The following HOXD9 variants were observed in gnomAD, a reference collection of about 807,000 sequenced individuals.
HOXD9 encodes homeobox protein Hox-D9.
In HOXD9, 21 loss-of-function variants were observed where a neutral mutation model predicts 24.6. The observed-to-expected ratio is 0.85, with a 90% CI of 0.61 to 1.23. The LOEUF (loss-of-function observed/expected upper bound fraction) is 1.23. Among genes scored for constraint, HOXD9 ranks in the 50% most tolerant of loss-of-function variants. HOXD9 has a pLI of 0.00. For synonymous variants in HOXD9, 240 were observed against 226.4 expected, an observed-to-expected ratio of 1.06 and a Z score of -0.54; for missense variants, 503 against 503.6, an observed-to-expected ratio of 1.00 and a Z score of 0.01.
Position 176,124,395 on chromosome 2 carries a change from G to C in HOXD9, c.*220G>C, listed in dbSNP as rs1244363398. The C allele has an allele frequency of 1.0e-4, 53 of 523,992 alleles. No homozygotes were observed. The highest frequency in any genetic ancestry group is 2.3e-4 in the Admixed American group (6 of 25,640). 32.5% of individuals were successfully genotyped at this position (523,992 alleles called of 1,614,324 possible). A position where few individuals can be genotyped will look rare whatever the true frequency, so the allele number is the denominator to read the frequency against. On this transcript the variant is annotated 3_prime_UTR_variant, in exon 2 of 2. Coordinates refer to ENST00000249499, the MANE Select transcript of HOXD9 (RefSeq NM_014213.4). ...CGTTTACGTGTTGGAAAAACCAAGT[G>C]GCTTTGGGGTTTCGCCCTATCCCAC...
In HOXD9 at chr2:176,123,288, G is replaced by GCCTCCACCA; in HGVS notation, c.526_534dup (p.Thr176_Ser178dup). 6.5e-7 allele frequency: 1 copy of GCCTCCACCA among 1,530,656 alleles called. No individual in the cohort carries two copies. The highest frequency in any genetic ancestry group is 8.8e-7 in the Non-Finnish European group (1 of 1,136,184). The allele number at this position is 1,530,656 out of a possible 1,614,324, so 94.8% of individuals were successfully genotyped here. A position where few individuals can be genotyped will look rare whatever the true frequency, so the allele number is the denominator to read the frequency against. On this transcript the variant is annotated inframe_insertion, in exon 1 of 2. Transcript: ENST00000249499. The surrounding 1 kb of genome is among the most constrained non-coding windows in gnomAD (Gnocchi z 4.2). ...AGCGGCCCCGGCCCCCGCCACGGCC[G>GCCTCCACCA]CCTCCACCACCTCCTCCTCCTCCAC...
Position 176,124,243 on chromosome 2 carries a change from G to A in HOXD9, c.*68G>A, listed in dbSNP as rs1434833279. ...GTTGTTGTTGCTGTTTTCCTTTGTG[G>A]GTGTTTGGTGCTTGATTTCCAGAAA... is the stretch of plus-strand genomic sequence containing the variant. On this transcript the variant is annotated 3_prime_UTR_variant, in exon 2 of 2. Coordinates refer to ENST00000249499, the MANE Select transcript of HOXD9 (RefSeq NM_014213.4). 1 of 1,505,574 alleles carries A rather than the reference G, an allele frequency of 6.6e-7. No homozygotes were observed. The highest frequency in any genetic ancestry group is 8.9e-7 in the Non-Finnish European group (1 of 1,128,538). The allele number at this position is 1,505,574 out of a possible 1,614,324, so 93.3% of individuals were successfully genotyped here. A position where few individuals can be genotyped will look rare whatever the true frequency, so the allele number is the denominator to read the frequency against.
In HOXD9 at chr2:176,123,252, C is replaced by A. The variant is rs1253553632; in HGVS notation, c.484C>A (p.Pro162Thr). 1 of 1,519,436 alleles carries A rather than the reference C, an allele frequency of 6.6e-7. No individual in the cohort carries two copies. The highest frequency in any genetic ancestry group is 8.8e-7 in the Non-Finnish European group (1 of 1,130,338). The allele number at this position is 1,519,436 out of a possible 1,614,324, so 94.1% of individuals were successfully genotyped here. A position where few individuals can be genotyped will look rare whatever the true frequency, so the allele number is the denominator to read the frequency against. The part of the protein sequence containing the change: ...PANGRHYGIK[P>T]ETRAAPAPAT... ...CAACGGGCGCCACTACGGGATTAAG[C>A]CTGAAACCCGAGCGGCCCCGGCCCC... Residue 162 changes from proline (P) to threonine (T), a missense_variant, in exon 1 of 2, where the codon CCT becomes ACT. Transcript: ENST00000249499. This position sits in a 1 kb window ranked among gnomAD's most constrained non-coding sequence, Gnocchi z 4.2.
Position 176,122,906 on chromosome 2 carries a change from G to A in HOXD9, c.138G>A (p.Gln46=). 6.3e-7 allele frequency: 1 copy of A among 1,588,478 alleles called. No individual in the cohort carries two copies. The highest frequency in any genetic ancestry group is 8.6e-7 in the Non-Finnish European group (1 of 1,169,108). The change falls in exon 1 of 2, where the codon CAG becomes CAA. Residue 46 remains glutamine (Q), a synonymous_variant. Transcript: ENST00000249499. ...TCGGGCCGCCGGGGCCAGGCGCGCA[G>A]GGCCGGCCTGCAGGTGTGGCTGATG... ...ARFGPPGPGA[Q]GRPAGVADGP...
At position 176,124,899 on chromosome 2, in the gene HOXD9, G is replaced by T. The variant is rs1173333023; in HGVS notation, c.*724G>T. ...ATGTTACTGCTTCCTACTAATAAAT[G>T]CTGACCTGATCAAATGGAGCCCAGA... On this transcript the variant is annotated 3_prime_UTR_variant, in exon 2 of 2. Transcript: ENST00000249499. 2 of 152,252 alleles carry T rather than the reference G, an allele frequency of 1.3e-5. No individual in the cohort carries two copies. The highest frequency in any genetic ancestry group is 2.4e-5 in the African/African-American group (1 of 41,444). The allele number at this position is 152,252 out of a possible 1,614,324, so 9.4% of individuals were successfully genotyped here. A position where few individuals can be genotyped will look rare whatever the true frequency, so the allele number is the denominator to read the frequency against.
Position 176,124,192 on chromosome 2 carries a change from C to A in HOXD9, c.*17C>A, listed in dbSNP as rs757052465. 9 of 1,584,630 alleles carry A rather than the reference C, an allele frequency of 5.7e-6. No homozygotes were observed. The highest frequency in any genetic ancestry group is 7.8e-6 in the Non-Finnish European group (9 of 1,160,594). On this transcript the variant is annotated 3_prime_UTR_variant, in exon 2 of 2. Coordinates refer to ENST00000249499, the MANE Select transcript of HOXD9 (RefSeq NM_014213.4). ...GGAGACTGACCCGGCGCGGTGCTGG[C>A]GGGAGCGCTCAAGGGCAGCGGATTT...
chr2:176,123,352 T>C lies in HOXD9; in HGVS notation c.584T>C (p.Val195Ala), dbSNP rs200376660. 1.3e-6 allele frequency: 2 copies of C among 1,550,588 alleles called. No individual in the cohort carries two copies. The highest frequency in any genetic ancestry group is 2.4e-5 in the South Asian group (2 of 83,972). Residue 195 changes from valine to alanine, a missense_variant, in exon 1 of 2, where the codon GTG (valine) becomes GCG (alanine). Coordinates refer to ENST00000249499, the MANE Select transcript of HOXD9 (RefSeq NM_014213.4). This position sits in a 1 kb window ranked among gnomAD's most constrained non-coding sequence, Gnocchi z 4.2. ...SSSSKRTECS[V>A]ARESQGSSGP... The stretch of plus-strand genomic sequence containing the variant: ...TCCTCCAAACGGACTGAGTGCTCCG[T>C]GGCCCGGGAGTCCCAGGGGAGCAGC...
chr2:176,124,318 G>C lies in HOXD9; in HGVS notation c.*143G>C. The C allele has an allele frequency of 7.8e-7, 1 of 1,286,146 alleles. No individual in the cohort carries two copies. Among genetic ancestry groups the C allele is most frequent in the Non-Finnish European group, 1.0e-6 (1 of 963,986 alleles). The allele number at this position is 1,286,146 out of a possible 1,614,324, so 79.7% of individuals were successfully genotyped here. A position where few individuals can be genotyped will look rare whatever the true frequency, so the allele number is the denominator to read the frequency against. ...TTCTTTTTTTTTTTCTTTTTAGATA[G>C]AAGTGACTGTGTGGTTGGTCTCTGA... On this transcript the variant is annotated 3_prime_UTR_variant, in exon 2 of 2. Coordinates refer to ENST00000249499, the MANE Select transcript of HOXD9 (RefSeq NM_014213.4).
In HOXD9 at chr2:176,122,892, G is replaced by C. The variant is rs371998550; in HGVS notation, c.124G>C (p.Gly42Arg). The stretch of plus-strand genomic sequence containing the variant: ...GTTCGCGGCGCGCTTCGGGCCGCCG[G>C]GGCCAGGCGCGCAGGGCCGGCCTGC... ...EVFAARFGPPGPGAQGRPAGV... is the reference protein window; with the variant it reads ...EVFAARFGPPRPGAQGRPAGV... Residue 42 changes from glycine to arginine, a missense_variant, in exon 1 of 2, where the codon GGG (glycine) becomes CGG (arginine). Coordinates refer to ENST00000249499, the MANE Select transcript of HOXD9 (RefSeq NM_014213.4). 5.3e-5 allele frequency: 85 copies of C among 1,592,226 alleles called. No individual in the cohort carries two copies. The highest frequency in any genetic ancestry group is 7.0e-5 in the Non-Finnish European group (82 of 1,170,886).
At position 176,123,109 on chromosome 2, in the gene HOXD9, G is replaced by A; in HGVS notation, c.341G>A (p.Arg114His). The A allele has an allele frequency of 6.6e-7, 1 of 1,510,402 alleles. No homozygotes were observed. The highest frequency in any genetic ancestry group is 8.8e-7 in the Non-Finnish European group (1 of 1,134,076). The allele number at this position is 1,510,402 out of a possible 1,614,324, so 93.6% of individuals were successfully genotyped here. A position where few individuals can be genotyped will look rare whatever the true frequency, so the allele number is the denominator to read the frequency against. Reference protein sequence around the residue: ...PLAASASEPGRYVRSWMEPLP... With the variant: ...PLAASASEPGHYVRSWMEPLP... ...GCCGCCTCTGCCTCCGAGCCCGGCC[G>A]CTACGTGCGCTCCTGGATGGAGCCG... The change falls in exon 1 of 2, where the codon CGC becomes CAC. Residue 114 changes from arginine (R) to histidine (H), a missense_variant. Coordinates refer to ENST00000249499, the MANE Select transcript of HOXD9 (RefSeq NM_014213.4). This position sits in a 1 kb window ranked among gnomAD's most constrained non-coding sequence, Gnocchi z 4.2.
In HOXD9 at chr2:176,122,903, G is replaced by A. The variant is rs963709815; in HGVS notation, c.135G>A (p.Ala45=). Residue 45 remains alanine (A), a synonymous_variant, in exon 1 of 2, where the codon GCG becomes GCA. Transcript: ENST00000249499. ...GCTTCGGGCCGCCGGGGCCAGGCGC[G>A]CAGGGCCGGCCTGCAGGTGTGGCTG... is the stretch of plus-strand genomic sequence containing the variant. ...AARFGPPGPG[A]QGRPAGVADG... 4 of 1,587,992 alleles carry A rather than the reference G, an allele frequency of 2.5e-6. No individual in the cohort carries two copies. The highest frequency in any genetic ancestry group is 1.4e-5 in the African/African-American group (1 of 72,360).
rs772843535 is a variant in HOXD9 at position 176,123,276 on chromosome 2, C to T, written c.508C>T (p.Pro170Ser). 1 of 1,530,200 alleles carries T rather than the reference C, an allele frequency of 6.5e-7. No homozygotes were observed. Among genetic ancestry groups the T allele is most frequent in the South Asian group, 1.2e-5 (1 of 82,252 alleles). The allele number at this position is 1,530,200 out of a possible 1,614,324, so 94.8% of individuals were successfully genotyped here. ...IKPETRAAPA[P>S]ATAASTTSSS... The stretch of plus-strand genomic sequence containing the variant: ...GCCTGAAACCCGAGCGGCCCCGGCC[C>T]CCGCCACGGCCGCCTCCACCACCTC... The change falls in exon 1 of 2, where the codon CCC becomes TCC. Residue 170 changes from proline (P) to serine (S), a missense_variant. Coordinates refer to ENST00000249499, the MANE Select transcript of HOXD9 (RefSeq NM_014213.4). This position sits in a 1 kb window ranked among gnomAD's most constrained non-coding sequence, Gnocchi z 4.2.
chr2:176,123,974 GA>G lies in HOXD9; in HGVS notation c.863del (p.Lys288SerfsTer37). On this transcript the variant is annotated frameshift_variant, in exon 2 of 2. Transcript: ENST00000249499. LOFTEE classifies it high-confidence loss of function. The surrounding 1 kb of genome is among the most constrained non-coding windows in gnomAD (Gnocchi z 4.2). ...ACTGGATCCACGCTCGCTCCACCCG[GA>G]AAAAGCGCTGTCCCTACACCAAATA... ...ANWIHARSTR[K>X]KRCPYTKYQT... The G allele has an allele frequency of 6.2e-7, 1 of 1,613,232 alleles. No homozygotes were observed. Among genetic ancestry groups the G allele is most frequent in the Non-Finnish European group, 8.5e-7 (1 of 1,179,338 alleles).
chr2:176,123,713 C>T lies in HOXD9; in HGVS notation c.817+128C>T. ...TACCCAAGCCTAGGCGAACAACATG[C>T]ATCCATAAAAAGAGCTTCCCATAAC... On this transcript the variant is annotated intron_variant, in intron 1 of 1. Transcript: ENST00000249499. This position sits in a 1 kb window ranked among gnomAD's most constrained non-coding sequence, Gnocchi z 4.2. 1 of 1,282,720 alleles carries T rather than the reference C, an allele frequency of 7.8e-7. No homozygotes were observed. The highest frequency in any genetic ancestry group is 1.8e-5 in the South Asian group (1 of 55,606). 79.5% of individuals were successfully genotyped at this position (1,282,720 alleles called of 1,614,324 possible).
rs1689920435 is a variant in HOXD9, at chr2:176,123,536, G to A, written c.768G>A (p.Lys256=). The A allele has an allele frequency of 1.3e-6, 2 of 1,487,096 alleles. No homozygotes were observed. The highest frequency in any genetic ancestry group is 2.3e-5 in the Admixed American group (1 of 43,590). 92.1% of individuals were successfully genotyped at this position (1,487,096 alleles called of 1,614,324 possible). ...SDHPIPGCSL[K]EEEKQHSQPQ... is the part of the protein sequence containing the mutation. ...ACCCGATCCCAGGCTGTTCGCTGAA[G>A]GAGGAGGAGAAGCAGCATTCGCAGC... Residue 256 remains lysine (K), a synonymous_variant, in exon 1 of 2, where the codon AAG becomes AAA. Coordinates refer to ENST00000249499, the MANE Select transcript of HOXD9 (RefSeq NM_014213.4). The surrounding 1 kb of genome is among the most constrained non-coding windows in gnomAD (Gnocchi z 4.2).
rs745465945 is a variant in HOXD9, at chr2:176,123,913, T to A, written c.818-21T>A. Reference sequence around the variant, plus strand: ...TCCCCTCCTCTCCTCTCTCCCCGTCTCCAAACCTCCCTCTTTGTAGACAAC... The same window carrying A: ...TCCCCTCCTCTCCTCTCTCCCCGTCACCAAACCTCCCTCTTTGTAGACAAC... On this transcript the variant is annotated intron_variant, in intron 1 of 1. Transcript: ENST00000249499. The surrounding 1 kb of genome is among the most constrained non-coding windows in gnomAD (Gnocchi z 4.2). 1 of 1,600,538 alleles carries A rather than the reference T, an allele frequency of 6.2e-7. No homozygotes were observed. The highest frequency in any genetic ancestry group is 1.1e-5 in the South Asian group (1 of 90,316).
At position 176,123,226 on chromosome 2, in the gene HOXD9, C is replaced by G. The variant is rs769173326; in HGVS notation, c.458C>G (p.Ala153Gly). Residue 153 changes from alanine to glycine, a missense_variant, in exon 1 of 2, where the codon GCC becomes GGC. Physicochemically the swap from Ala to Gly is moderately conservative, Grantham distance 60. Transcript: ENST00000249499. The surrounding 1 kb of genome is among the most constrained non-coding windows in gnomAD (Gnocchi z 4.2). ...CCCAGCCCTGGCCCCAGCGGCCCAGCCAACGGGCGCCACTACGGGATTAAG... is the reference window on the plus strand; with the variant it reads ...CCCAGCCCTGGCCCCAGCGGCCCAGGCAACGGGCGCCACTACGGGATTAAG... Reference protein sequence around the residue: ...RGPSPGPSGPANGRHYGIKPE... With the variant: ...RGPSPGPSGPGNGRHYGIKPE... 6.0e-5 allele frequency: 88 copies of G among 1,466,384 alleles called. No individual in the cohort carries two copies. The Middle Eastern group carries it at 1.3e-3, about 21-fold the overall frequency. The allele number at this position is 1,466,384 out of a possible 1,614,324, so 90.8% of individuals were successfully genotyped here.
At position 176,122,817 on chromosome 2, in the gene HOXD9, C is replaced by G; in HGVS notation, c.49C>G (p.Leu17Val). Residue 17 changes from leucine (L) to valine (V), a missense_variant, in exon 1 of 2, where the codon CTC becomes GTC. Leu to Val is a conservative substitution (Grantham distance 32). Coordinates refer to ENST00000249499, the MANE Select transcript of HOXD9 (RefSeq NM_014213.4). Reference sequence around the variant, plus strand: ...CCTCAAAATGTCTTCCAGTGGCACCCTCAGCAACTACTACGTGGACTCGCT... The same window carrying G: ...CCTCAAAATGTCTTCCAGTGGCACCGTCAGCAACTACTACGTGGACTCGCT... ...GRLKMSSSGT[L>V]SNYYVDSLIG... The G allele has an allele frequency of 6.4e-7, 1 of 1,550,826 alleles. No homozygotes were observed. The highest frequency in any genetic ancestry group is 8.7e-7 in the Non-Finnish European group (1 of 1,154,706).
rs1260654868 is a variant in HOXD9, at chr2:176,122,839, C to T, written c.71C>T (p.Ser24Leu). The stretch of plus-strand genomic sequence containing the variant: ...ACCCTCAGCAACTACTACGTGGACT[C>T]GCTTATAGGCCATGAGGGCGACGAG... ...SGTLSNYYVD[S>L]LIGHEGDEVF... Residue 24 changes from serine (S) to leucine (L), a missense_variant, in exon 1 of 2, where the codon TCG becomes TTG. Transcript: ENST00000249499. 1.3e-6 allele frequency: 2 copies of T among 1,577,878 alleles called. No homozygotes were observed. Among genetic ancestry groups the T allele is most frequent in the African/African-American group, 1.4e-5 (1 of 70,878 alleles).
Sources: gnomAD v4.1 joint callset for allele counts on GRCh38, gnomAD v4.1.1 for gene constraint, Gnocchi (gnomAD v3.1) non-coding constraint, MANE v1.5 for transcripts, NCBI Gene and HGNC (gene_info 2026-07-23, HGNC 2026-07-21) for gene names.